NDST2: variants seen among roughly 807,000 people sequenced by gnomAD.
NDST2 encodes bifunctional heparan sulfate N-deacetylase/N-sulfotransferase 2.
Under a neutral mutation model 86.9 loss-of-function variants are expected in NDST2, and 32 were observed. That is an observed-to-expected ratio of 0.37 (90% confidence interval 0.28 to 0.49). The LOEUF (loss-of-function observed/expected upper bound fraction) is 0.49, where lower values mean the gene tolerates loss of function less well. Ranked by LOEUF, NDST2 falls within the 20% of genes least tolerant of loss-of-function variation. The pLI is 0.97. For synonymous variants in NDST2, 409 were observed against 437.0 expected, an observed-to-expected ratio of 0.94 and a Z score of 0.80; for missense variants, 950 against 1,146.9, an observed-to-expected ratio of 0.83 and a Z score of 2.48.
In NDST2 at chr10:73,801,973, G is replaced by A. The variant is rs2083986766; in HGVS notation, c.*478C>T. 8.1e-6 allele frequency: 3 copies of A among 371,722 alleles called. No individual in the cohort carries two copies. Among genetic ancestry groups the A allele is most frequent in the Non-Finnish European group, 1.5e-5 (3 of 197,872 alleles). 23.0% of individuals were successfully genotyped at this position (371,722 alleles called of 1,614,324 possible). On this transcript the variant is annotated 3_prime_UTR_variant, in exon 15 of 15. Coordinates refer to ENST00000309979, the MANE Select transcript of NDST2 (RefSeq NM_003635.4). The surrounding 1 kb of genome is among the most constrained non-coding windows in gnomAD (Gnocchi z 4.9). Reference sequence around the variant, plus strand: ...AGCCCACAGCTAGGGCTCATACTCGGCTCTATGAGCCACTGTCCGACCTCA... The same window carrying A: ...AGCCCACAGCTAGGGCTCATACTCGACTCTATGAGCCACTGTCCGACCTCA...
Position 73,808,614 on chromosome 10 carries a change from T to A in NDST2, c.-226A>T. 1 of 505,992 alleles carries A rather than the reference T, an allele frequency of 2.0e-6. No homozygotes were observed. Among genetic ancestry groups the A allele is most frequent in the Non-Finnish European group, 3.5e-6 (1 of 285,574 alleles). 31.3% of individuals were successfully genotyped at this position (505,992 alleles called of 1,614,324 possible). On this transcript the variant is annotated 5_prime_UTR_variant, in exon 3 of 15. Transcript: ENST00000309979. This position sits in a 1 kb window ranked among gnomAD's most constrained non-coding sequence, Gnocchi z 4.3. ...CTATACAGAGTCCACTTGTCTCAGG[T>A]CACCATGGCCCCCTGGCCCATGGCT... is the stretch of plus-strand genomic sequence containing the variant.
chr10:73,804,902 A>ATTT (rs112868774), intron 8 of NDST2, 33 bp from the exon 9 acceptor site: 1,232 of 981,692 alleles, frequency 1.3e-3, no homozygotes, highest in South Asian at 2.7e-3. Flanking sequence ...GATAAGGCCT[A>ATTT]TTTTTTTTTT....
rs1412656021 is a variant in NDST2, at chr10:73,808,287, C to T, written c.102G>A (p.Leu34=). 4 of 1,598,006 alleles carry T rather than the reference C, an allele frequency of 2.5e-6. No individual in the cohort carries two copies. Among genetic ancestry groups the T allele is most frequent in the Admixed American group, 1.8e-5 (1 of 57,064 alleles). The change falls in exon 3 of 15, where the codon CTG becomes CTA. Residue 34 remains leucine, a synonymous_variant. Coordinates refer to ENST00000309979, the MANE Select transcript of NDST2 (RefSeq NM_003635.4). This position sits in a 1 kb window ranked among gnomAD's most constrained non-coding sequence, Gnocchi z 4.3. The part of the protein sequence containing the change: ...IAFSLGSMGF[L]AYYVSTSPKA... ...TAGGGCTGGTGGACACATAATAAGC[C>T]AGGAAGCCCATGGAGCCCAGGCTGA...
Position 73,802,576 on chromosome 10 carries a change from A to C in NDST2, c.2527T>G (p.Ser843Ala). The C allele has an allele frequency of 3.1e-6, 5 of 1,614,162 alleles. No homozygotes were observed. Among genetic ancestry groups the C allele is most frequent in the Non-Finnish European group, 4.2e-6 (5 of 1,180,026 alleles). ...AAAAAATCCGTAAGGAAAAGACGGG[A>C]CTGACAGGAGAAAATGAAGGCAGAA... ...GRRYPDMDTE[S>A]RLFLTDFFRN... Residue 843 changes from serine (S) to alanine (A), a missense_variant and splice_region_variant, in exon 15 of 15, where the codon TCC (serine) becomes GCC (alanine). Ser to Ala is a moderately conservative substitution (Grantham distance 99). Coordinates refer to ENST00000309979, the MANE Select transcript of NDST2 (RefSeq NM_003635.4).
chr10:73,804,889 T>C lies in NDST2; in HGVS notation c.1747-20A>G, dbSNP rs1439773338. ...GGGATTCTGAAGCCAGGGCCAATAA[T>C]CAGATAAGGCCTATTTTTTTTTTTT... On this transcript the variant is annotated intron_variant, in intron 8 of 14. Coordinates refer to ENST00000309979, the MANE Select transcript of NDST2 (RefSeq NM_003635.4). 6.8e-7 allele frequency: 1 copy of C among 1,464,752 alleles called. No homozygotes were observed. Among genetic ancestry groups the C allele is most frequent in the Non-Finnish European group, 9.5e-7 (1 of 1,057,812 alleles). 90.7% of individuals were successfully genotyped at this position (1,464,752 alleles called of 1,614,324 possible). A position where few individuals can be genotyped will look rare whatever the true frequency, so the allele number is the denominator to read the frequency against.
Position 73,811,047 on chromosome 10 carries a change from C to T in NDST2, c.-446-144G>A, listed in dbSNP as rs553539977. The T allele has an allele frequency of 1.5e-5, 6 of 389,210 alleles. No individual in the cohort carries two copies. In the East Asian group the frequency reaches 1.8e-4, roughly 12 times the overall value. The allele number at this position is 389,210 out of a possible 1,614,324, so 24.1% of individuals were successfully genotyped here. A position where few individuals can be genotyped will look rare whatever the true frequency, so the allele number is the denominator to read the frequency against. On this transcript the variant is annotated intron_variant, in intron 1 of 14. Coordinates refer to ENST00000309979, the MANE Select transcript of NDST2 (RefSeq NM_003635.4). The stretch of plus-strand genomic sequence containing the variant: ...GGCGAAGCCAGACGGGGGCCGGGGC[C>T]GGGCCCGGGCTTGGGGAGGCCGGGA...
In NDST2 at chr10:73,803,175, T is replaced by A. The variant is rs376261105; in HGVS notation, c.2313+14A>T. The A allele has an allele frequency of 2.5e-5, 40 of 1,613,940 alleles. No individual in the cohort carries two copies. The African/African-American group carries it at 4.7e-4, about 19-fold the overall frequency. On this transcript the variant is annotated intron_variant, in intron 12 of 14. Transcript: ENST00000309979. ...GAAGGGGAACCCCACTGAGGGCTCT[T>A]GTGGGGATTATACCTGTCCAGAGGG... is the stretch of plus-strand genomic sequence containing the variant.
Position 73,810,637 on chromosome 10 carries a change from C to G in NDST2, c.-342+162G>C, listed in dbSNP as rs550952759. ...GGAGGTCACTGACGGGAAGTTGATACTCAGGGTGTATCATCCCGTATTTGA... is the reference window on the plus strand; with the variant it reads ...GGAGGTCACTGACGGGAAGTTGATAGTCAGGGTGTATCATCCCGTATTTGA... On this transcript the variant is annotated intron_variant, in intron 2 of 14. Coordinates refer to ENST00000309979, the MANE Select transcript of NDST2 (RefSeq NM_003635.4). The G allele has an allele frequency of 2.6e-5, 10 of 390,220 alleles. No individual in the cohort carries two copies. In the South Asian group the frequency reaches 1.4e-3, roughly 56 times the overall value. The allele number at this position is 390,220 out of a possible 1,614,324, so 24.2% of individuals were successfully genotyped here.
chr10:73,805,617 A>C lies in NDST2; in HGVS notation c.1716T>G (p.Leu572=). The change falls in exon 8 of 15, where the codon CTT becomes CTG. Residue 572 remains leucine (L), a synonymous_variant. Transcript: ENST00000309979. ...AAAGGGGGCTTCGCTCCTGAGGGAA[A>C]AGTTCAAAGTACTTCTGTGCAAGTG... ...PVPLAQKYFE[L]FPQERSPLWQ... is the part of the protein sequence containing the mutation. The C allele has an allele frequency of 6.2e-7, 1 of 1,614,182 alleles. No individual in the cohort carries two copies. Among genetic ancestry groups the C allele is most frequent in the Non-Finnish European group, 8.5e-7 (1 of 1,180,050 alleles).
chr10:73,806,843 C>T lies in NDST2; in HGVS notation c.1094-32G>A, dbSNP rs981186841. On this transcript the variant is annotated intron_variant, in intron 4 of 14. Transcript: ENST00000309979. This position sits in a 1 kb window ranked among gnomAD's most constrained non-coding sequence, Gnocchi z 4.5. ...CCACACGCTGACCACTGACCACAGC[C>T]AGTCAGCCCCTGTTCCCTCCTTTAT... 6 of 1,605,896 alleles carry T rather than the reference C, an allele frequency of 3.7e-6. No homozygotes were observed. In the African/African-American group the frequency reaches 8.0e-5, roughly 21 times the overall value.
At chr10:73,802,946 T>G (rs1200772329) in intron 13 of NDST2, 26 bp downstream of exon 13, 2 of 1,603,906 alleles carry the variant, frequency 1.2e-6, no homozygotes, top group South Asian at 2.2e-5. Context: ...CATACAGTAC[T>G]CCTCCCCTGG....
At chr10:73,803,795 G>C (rs769247094) in intron 10 of NDST2, 47 bp from the exon 11 acceptor site, 1 of 1,612,876 alleles carries the variant, frequency 6.2e-7, no homozygotes, top group Admixed American at 1.7e-5. Context: ...TATGCAGAGT[G>C]AAGTGGCCAG....
At chr10:73,811,156 G>C (rs978829252) in intron 1 of NDST2, among the ~76,000 whole-genome samples, 2 of 152,064 alleles carry the variant, frequency 1.3e-5, no homozygotes, top group African/African-American at 2.4e-5. Context: ...GAGGAGACGG[G>C]GGCACAGGTG....
Position 73,807,290 on chromosome 10 carries a change from G to A in NDST2, c.1005+94C>T, listed in dbSNP as rs919624100. 59 of 1,566,288 alleles carry A rather than the reference G, an allele frequency of 3.8e-5. No individual in the cohort carries two copies. In the East Asian group the frequency reaches 8.1e-4, roughly 21 times the overall value. On this transcript the variant is annotated intron_variant, in intron 3 of 14. Coordinates refer to ENST00000309979, the MANE Select transcript of NDST2 (RefSeq NM_003635.4). ...TTCTTCCTGCCTGGAAAGGCAGGGA[G>A]TGTACCTATGACAAGCTCAGAATCA...
rs1024523136 is a variant in NDST2 at position 73,806,087 on chromosome 10, G to A, written c.1435-59C>T. 3.1e-6 allele frequency: 5 copies of A among 1,595,616 alleles called. No individual in the cohort carries two copies. Among genetic ancestry groups the A allele is most frequent in the Non-Finnish European group, 4.3e-6 (5 of 1,169,088 alleles). ...AAGATAGAATGAGAAGTAGATGGAG[G>A]ACACTGGGATTTATAGAGGACTGAG... On this transcript the variant is annotated intron_variant, in intron 6 of 14. Coordinates refer to ENST00000309979, the MANE Select transcript of NDST2 (RefSeq NM_003635.4). This position sits in a 1 kb window ranked among gnomAD's most constrained non-coding sequence, Gnocchi z 4.5.
Position 73,807,579 on chromosome 10 carries a change from C to A in NDST2, c.810G>T (p.Gly270=). ...ARLPTVVQDL[G]LHDGIQRVLF... ...GCACCCGCTGGATGCCATCATGAAG[C>A]CCCAGGTCCTGTACCACAGTGGGAA... Residue 270 remains glycine, a synonymous_variant, in exon 3 of 15, where the codon GGG becomes GGT. Coordinates refer to ENST00000309979, the MANE Select transcript of NDST2 (RefSeq NM_003635.4). The A allele has an allele frequency of 6.2e-7, 1 of 1,614,164 alleles. No individual in the cohort carries two copies.
chr10:73,802,090 T>A lies in NDST2; in HGVS notation c.*361A>T, dbSNP rs1236349135. 1 of 373,924 alleles carries A rather than the reference T, an allele frequency of 2.7e-6. No homozygotes were observed. Among genetic ancestry groups the A allele is most frequent in the Admixed American group, 4.4e-5 (1 of 22,628 alleles). 23.2% of individuals were successfully genotyped at this position (373,924 alleles called of 1,614,324 possible). ...GGGCCATAGCAAGGGGTCCCTCCCA[T>A]GCAAGGGGTCTCTCCCATAGCCAGG... is the stretch of plus-strand genomic sequence containing the variant. On this transcript the variant is annotated 3_prime_UTR_variant, in exon 15 of 15. Transcript: ENST00000309979.
At position 73,802,655 on chromosome 10, in the gene NDST2, T is replaced by TG. The variant is rs747821955; in HGVS notation, c.2526+18dup. ...TCCTGGAAGTGGAGAGGGATTCCCC[T>TG]GCCCCTGGCTTTACTTACCTCAGTG... On this transcript the variant is annotated intron_variant, in intron 14 of 14. Transcript: ENST00000309979. The TG allele has an allele frequency of 1.7e-5, 28 of 1,613,964 alleles. No homozygotes were observed. Among genetic ancestry groups the TG allele is most frequent in the Non-Finnish European group, 2.4e-5 (28 of 1,179,924 alleles).
chr10:73,807,881 C>T lies in NDST2; in HGVS notation c.508G>A (p.Gly170Ser). 1 of 1,614,026 alleles carries T rather than the reference C, an allele frequency of 6.2e-7. No homozygotes were observed. The highest frequency in any genetic ancestry group is 8.5e-7 in the Non-Finnish European group (1 of 1,179,948). ...YCVEYGVGII[G>S]FFRAHEHSLL... Reference sequence around the variant, plus strand: ...CTGTGCTCGTGGGCTCGGAAAAAGCCAATGATGCCCACACCATACTCCACG... The same window carrying T: ...CTGTGCTCGTGGGCTCGGAAAAAGCTAATGATGCCCACACCATACTCCACG... Residue 170 changes from glycine to serine, a missense_variant, in exon 3 of 15, where the codon GGC (glycine) becomes AGC (serine). Physicochemically the swap from Gly to Ser is moderately conservative, Grantham distance 56 (BLOSUM62 0). Around this residue, in one of 5 missense-constraint regions of NDST2, gnomAD observed 586 missense variants for 714.0 expected, o/e 0.82. Coordinates refer to ENST00000309979, the MANE Select transcript of NDST2 (RefSeq NM_003635.4).
Sources: gnomAD v4.1 joint callset for allele counts (sites outside exome capture counted in the v4.1 genomes callset) on GRCh38, gnomAD v4.1.1 for gene constraint, gnomAD v4.1.1 regional missense constraint, Gnocchi (gnomAD v3.1) non-coding constraint, MANE v1.5 for transcripts, NCBI Gene and HGNC (gene_info 2026-07-23, HGNC 2026-07-21) for gene names.